TFF3: variants seen among roughly 807,000 people sequenced by gnomAD.
TFF3 encodes the protein polypeptide P1.B.
In TFF3, 6 loss-of-function variants were observed where a neutral mutation model predicts 9.7. The ratio of observed to expected loss-of-function variants is 0.62; its 90% CI spans 0.34 to 1.22. The LOEUF (loss-of-function observed/expected upper bound fraction) is 1.22. Ranked by LOEUF, TFF3 falls within the 50% of genes most tolerant of loss-of-function variation. TFF3 has a pLI of 0.04. For synonymous variants in TFF3, 48 were observed against 41.4 expected (o/e 1.16, Z -0.61); for missense variants, 93 against 98.6 (o/e 0.94, Z 0.24).
Position 42,312,116 on chromosome 21 carries a change from C to A in TFF3, c.*140G>T. The A allele has an allele frequency of 8.7e-7, 1 of 1,144,384 alleles. No individual in the cohort carries two copies. The highest frequency in any genetic ancestry group is 1.3e-6 in the Non-Finnish European group (1 of 753,100). The allele number at this position is 1,144,384 out of a possible 1,614,324, so 70.9% of individuals were successfully genotyped here. A position where few individuals can be genotyped will look rare whatever the true frequency, so the allele number is the denominator to read the frequency against. ...CTTTATTCGTTAAGACATCAGGCTC[C>A]AGATATGAACTTTCAGCAGAAGCGC... On this transcript the variant is annotated 3_prime_UTR_variant, in exon 3 of 3. Coordinates refer to ENST00000518498, the MANE Select transcript of TFF3 (RefSeq NM_003226.4).
chr21:42,314,469 C>A (rs2069347952), intron 1 of TFF3, among the ~76,000 whole-genome samples: 1 of 152,146 alleles, frequency 6.6e-6, no homozygotes, highest in South Asian at 2.1e-4. Flanking sequence ...GCTTGGCCAA[C>A]ATAGCGAAAC....
Position 42,313,430 on chromosome 21 carries a change from G to A in TFF3, c.229+55C>T, listed in dbSNP as rs1000126735. On this transcript the variant is annotated intron_variant, in intron 2 of 2. Transcript: ENST00000518498. The surrounding 1 kb of genome is among the most constrained non-coding windows in gnomAD (Gnocchi z 4.0). ...AGCCCAGAAAGGACAGGGAGGCCCT[G>A]AGACCCCCTGCCTTATGGGGCTGGG... 1 of 1,551,932 alleles carries A rather than the reference G, an allele frequency of 6.4e-7. No individual in the cohort carries two copies. Among genetic ancestry groups the A allele is most frequent in the Non-Finnish European group, 8.7e-7 (1 of 1,151,024 alleles).
chr21:42,312,887 C>T (rs904873916), intron 2 of TFF3, among the ~76,000 whole-genome samples: 1 of 152,156 alleles, frequency 6.6e-6, no homozygotes, highest in Non-Finnish European at 1.5e-5. Context: ...CTGGTGGAGC[C>T]AGGGTGGCAA....
chr21:42,313,490 T>G lies in TFF3; in HGVS notation c.224A>C (p.Glu75Ala), dbSNP rs533490667. Reference protein sequence around the residue: ...GVPWCFKPLQEAECTF With the variant: ...GVPWCFKPLQAAECTF ...CGATGCCACTGGGGCCTTACCTGCT[T>G]CCTGCAGGGGCTTGAAACACCAAGG... Residue 75 changes from glutamate (E) to alanine (A), a missense_variant, in exon 2 of 3, where the codon GAA (glutamate) becomes GCA (alanine). Coordinates refer to ENST00000518498, the MANE Select transcript of TFF3 (RefSeq NM_003226.4). This position sits in a 1 kb window ranked among gnomAD's most constrained non-coding sequence, Gnocchi z 4.0. The G allele has an allele frequency of 1.2e-6, 2 of 1,607,434 alleles. No individual in the cohort carries two copies. Among genetic ancestry groups the G allele is most frequent in the African/African-American group, 2.7e-5 (2 of 74,678 alleles).
chr21:42,313,502 T>C lies in TFF3; in HGVS notation c.212A>G (p.Lys71Arg), dbSNP rs1390963354. Residue 71 changes from lysine to arginine, a missense_variant, in exon 2 of 3, where the codon AAG becomes AGG. Coordinates refer to ENST00000518498, the MANE Select transcript of TFF3 (RefSeq NM_003226.4). This position sits in a 1 kb window ranked among gnomAD's most constrained non-coding sequence, Gnocchi z 4.0. The stretch of plus-strand genomic sequence containing the variant: ...GGCCTTACCTGCTTCCTGCAGGGGC[T>C]TGAAACACCAAGGCACTCCAGGGAT... ...SRIPGVPWCF[K>R]PLQEAECTF 1.2e-6 allele frequency: 2 copies of C among 1,609,288 alleles called. No homozygotes were observed. Among genetic ancestry groups the C allele is most frequent in the East Asian group, 2.2e-5 (1 of 44,560 alleles).
intron 1 of TFF3, among the ~76,000 whole-genome samples, chr21:42,314,041 A>G (rs1463662756): frequency 1.3e-5 from 2 of 152,190 alleles, no homozygotes; most frequent in Non-Finnish European, 2.9e-5. Context: ...CAGGAGAGGC[A>G]CACGCCATAG....
intron 1 of TFF3, among the ~76,000 whole-genome samples, chr21:42,314,004 C>A (rs995831697): frequency 1.3e-5 from 2 of 152,166 alleles, no homozygotes; most frequent in African/African-American, 4.8e-5. Flanking sequence ...CAAAACCTTG[C>A]CCCTTTGTTT....
intron 2 of TFF3, among the ~76,000 whole-genome samples, chr21:42,312,642 G>T (rs1197951001): frequency 6.6e-6 from 1 of 152,132 alleles, no homozygotes; most frequent in African/African-American, 2.4e-5. Context: ...GGACTTGCTG[G>T]GGAGGGTGAA....
chr21:42,314,281 C>T (rs981221392), intron 1 of TFF3, among the ~76,000 whole-genome samples: 1 of 152,212 alleles, frequency 6.6e-6, no homozygotes, highest in Non-Finnish European at 1.5e-5. Context: ...ATTCCCTTCT[C>T]TTGCTCCCAG....
chr21:42,315,362 C>T lies in TFF3; in HGVS notation c.13G>A (p.Ala5Thr), dbSNP rs752298386. MAAR[A>T]LCMLGLVLAL... The stretch of plus-strand genomic sequence containing the variant: ...AGGACCAGCCCCAGCATGCAGAGCG[C>T]TCTGGCAGCCATGACCACCGTGGGC... Residue 5 changes from alanine (A) to threonine (T), a missense_variant, in exon 1 of 3, where the codon GCG becomes ACG. Coordinates refer to ENST00000518498, the MANE Select transcript of TFF3 (RefSeq NM_003226.4). The T allele has an allele frequency of 9.3e-6, 15 of 1,614,130 alleles. No homozygotes were observed. The South Asian group carries it at 1.5e-4, about 17-fold the overall frequency.
chr21:42,313,494 G>A lies in TFF3; in HGVS notation c.220C>T (p.Gln74Ter). ...GCCACTGGGGCCTTACCTGCTTCCT[G>A]CAGGGGCTTGAAACACCAAGGCACT... Reference protein sequence around the residue: ...PGVPWCFKPLQEAECTF With the variant: ...PGVPWCFKPL The change falls in exon 2 of 3, where the codon CAG (glutamine) becomes TAG (stop). Residue 74 changes from glutamine (Q) to a stop codon, truncating the protein, a stop_gained. Transcript: ENST00000518498. LOFTEE classifies it high-confidence loss of function. The surrounding 1 kb of genome is among the most constrained non-coding windows in gnomAD (Gnocchi z 4.0). The A allele has an allele frequency of 1.2e-6, 2 of 1,608,814 alleles. No homozygotes were observed. Among genetic ancestry groups the A allele is most frequent in the Non-Finnish European group, 1.7e-6 (2 of 1,178,418 alleles).
chr21:42,313,740 A>G lies in TFF3; in HGVS notation c.83-109T>C. 1 of 1,318,152 alleles carries G rather than the reference A, an allele frequency of 7.6e-7. No individual in the cohort carries two copies. Among genetic ancestry groups the G allele is most frequent in the South Asian group, 1.5e-5 (1 of 64,960 alleles). The allele number at this position is 1,318,152 out of a possible 1,614,324, so 81.7% of individuals were successfully genotyped here. On this transcript the variant is annotated intron_variant, in intron 1 of 2. Transcript: ENST00000518498. The surrounding 1 kb of genome is among the most constrained non-coding windows in gnomAD (Gnocchi z 4.0). ...CCTCCCGCTCCGCCCCACCCCGCCG[A>G]GTTCAACCACTGCTGAAACCCTCGC...
chr21:42,315,262 CT>C (rs1569251209), intron 1 of TFF3, 30 bp downstream of exon 1: 1 of 1,598,966 alleles, frequency 6.3e-7, no homozygotes, highest in Admixed American at 1.7e-5. Flanking sequence ...CACGCCCACC[CT>C]GCCACCGGGG....
chr21:42,315,055 A>C (rs919404994), intron 1 of TFF3, among the ~76,000 whole-genome samples: 18 of 152,200 alleles, frequency 1.2e-4, no homozygotes, highest in Non-Finnish European at 2.4e-4. Flanking sequence ...TCAGGCTCAA[A>C]CCCTGATTTC....
rs1205887776 is a variant in TFF3, at chr21:42,315,307, T to C, written c.68A>G (p.Glu23Gly). The C allele has an allele frequency of 1.9e-6, 3 of 1,613,752 alleles. No homozygotes were observed. Among genetic ancestry groups the C allele is most frequent in the Admixed American group, 3.3e-5 (2 of 60,018 alleles). The part of the protein sequence containing the change: ...LALLSSSSAE[E>G]YVGLSANQCA... ...GCAGTACTCACACAGGCCCACGTACTCCTCAGCAGAGCTGGAGGACAGCAA... is the reference window on the plus strand; with the variant it reads ...GCAGTACTCACACAGGCCCACGTACCCCTCAGCAGAGCTGGAGGACAGCAA... Residue 23 changes from glutamate (E) to glycine (G), a missense_variant, in exon 1 of 3, where the codon GAG (glutamate) becomes GGG (glycine). Physicochemically the swap from Glu to Gly is moderately conservative, Grantham distance 98. Coordinates refer to ENST00000518498, the MANE Select transcript of TFF3 (RefSeq NM_003226.4).
chr21:42,312,300 G>C, intron 2 of TFF3, 31 bp from the exon 3 acceptor site: 1 of 1,578,978 alleles, frequency 6.3e-7, no homozygotes, highest in Non-Finnish European at 8.6e-7. Context: ...TGTGTGAGCA[G>C]TCTCTCTCCA....
intron 1 of TFF3, among the ~76,000 whole-genome samples, chr21:42,314,042 C>T (rs933681765): frequency 1.1e-4 from 17 of 152,190 alleles, no homozygotes; most frequent in African/African-American, 3.9e-4. Flanking sequence ...AGGAGAGGCA[C>T]ACGCCATAGA....
chr21:42,312,230 C>T lies in TFF3; in HGVS notation c.*26G>A. ...CAAGGGTGCTCCGAGCCTCGCATCCCCCGGCCGGGGGCAGCTGGAGGTGCC... is the reference window on the plus strand; with the variant it reads ...CAAGGGTGCTCCGAGCCTCGCATCCTCCGGCCGGGGGCAGCTGGAGGTGCC... On this transcript the variant is annotated 3_prime_UTR_variant, in exon 3 of 3. Coordinates refer to ENST00000518498, the MANE Select transcript of TFF3 (RefSeq NM_003226.4). 6.2e-7 allele frequency: 1 copy of T among 1,613,818 alleles called. No individual in the cohort carries two copies. Among genetic ancestry groups the T allele is most frequent in the Non-Finnish European group, 8.5e-7 (1 of 1,179,876 alleles).
chr21:42,315,233 A>G, intron 1 of TFF3, 60 bp downstream of exon 1: 7 of 1,570,820 alleles, frequency 4.5e-6, no homozygotes, highest in Non-Finnish European at 5.2e-6. Context: ...ATCCCCCCTT[A>G]TCCTGGATCC....
Sources: gnomAD v4.1 joint callset for allele counts (sites outside exome capture counted in the v4.1 genomes callset) on GRCh38, gnomAD v4.1.1 for gene constraint, Gnocchi (gnomAD v3.1) non-coding constraint, MANE v1.5 for transcripts, NCBI Gene and HGNC (gene_info 2026-07-23, HGNC 2026-07-21) for gene names.